Variants in TLN2 observed in about 807,000 individuals in gnomAD.
TLN2 encodes talin-2.
A neutral mutation model predicts 294.7 loss-of-function variants in TLN2; 118 were observed. The ratio of observed to expected loss-of-function variants is 0.40; its 90% CI spans 0.34 to 0.47. TLN2 has a LOEUF of 0.47. TLN2 is among the 20% of genes least tolerant of loss of function. The pLI is 0.84. For missense variants in TLN2, 3,083 were observed against 3,282.2 expected (o/e 0.94, Z 1.48); for synonymous variants, 1,431 against 1,304.5 (o/e 1.10, Z -2.09).
At chr15:62,693,779 A>G (rs548563376) in intron 13 of TLN2, among the ~76,000 whole-genome samples, 3 of 152,216 alleles carry the variant, frequency 2.0e-5, no homozygotes, top group African/African-American at 7.2e-5. Context: ...TAAATACGTG[A>G]CATCTAACTA....
intron 28 of TLN2, among the ~76,000 whole-genome samples, chr15:62,734,734 A>T (rs920734624): frequency 3.9e-5 from 6 of 152,212 alleles, no homozygotes; most frequent in African/African-American, 1.4e-4. Context: ...ATTTACCTTG[A>T]TTAGATCGTA....
intron 3 of TLN2, among the ~76,000 whole-genome samples, chr15:62,627,584 C>G (rs780062238): frequency 2.4e-4 from 36 of 152,184 alleles, no homozygotes; most frequent in Admixed American, 5.9e-4. Context: ...AGAAATTGAA[C>G]TGCTGTGTGT....
At chr15:62,671,908 CAATT>C (rs1242162335) in intron 9 of TLN2, among the ~76,000 whole-genome samples, 2 of 152,048 alleles carry the variant, frequency 1.3e-5, no homozygotes, top group Non-Finnish European at 2.9e-5. Context: ...AATTCAGTTT[CAATT>C]ATGTATTTAC....
intron 32 of TLN2, among the ~76,000 whole-genome samples, chr15:62,742,956 A>G (rs2061422806): frequency 6.6e-6 from 1 of 152,198 alleles, no homozygotes; most frequent in Admixed American, 6.5e-5. Context: ...TTCATTACAT[A>G]GATTTTCATC....
At chr15:62,560,096 G>T (rs898198402) in intron 1 of TLN2, among the ~76,000 whole-genome samples, 2 of 152,192 alleles carry the variant, frequency 1.3e-5, no homozygotes, top group African/African-American at 4.8e-5. Context: ...AGATGGCTTC[G>T]GGAAAGTGGG....
chr15:62,768,040 G>T (rs763002669), intron 41 of TLN2, among the ~76,000 whole-genome samples: 1 of 152,076 alleles, frequency 6.6e-6, no homozygotes, highest in Non-Finnish European at 1.5e-5. Context: ...AGAGGCAGTC[G>T]GTGCGCCCTC....
At chr15:62,744,937 G>A (rs2061536503) in intron 32 of TLN2, among the ~76,000 whole-genome samples, 1 of 152,128 alleles carries the variant, frequency 6.6e-6, no homozygotes, top group Non-Finnish European at 1.5e-5. Flanking sequence ...CCTTTCCCAG[G>A]CGCCTCTTCC....
At chr15:62,632,958 A>G (rs1048018685) in intron 3 of TLN2, among the ~76,000 whole-genome samples, 12 of 152,226 alleles carry the variant, frequency 7.9e-5, no homozygotes, top group African/African-American at 2.9e-4. Context: ...ATTCCAGTAT[A>G]ACAAAAGCCA....
chr15:62,753,643 A>T lies in TLN2; in HGVS notation c.4333-130A>T. ...CACCCTTATTGGTGAGCGGGATGAG[A>T]TGACCTTGACCAGTTTGAACTGAGG... On this transcript the variant is annotated intron_variant, in intron 35 of 58. Coordinates refer to ENST00000636159, the MANE Select transcript of TLN2 (RefSeq NM_015059.3). 3 of 1,110,038 alleles carry T rather than the reference A, an allele frequency of 2.7e-6. No individual in the cohort carries two copies. In the South Asian group the frequency reaches 6.1e-5, roughly 23 times the overall value. The allele number at this position is 1,110,038 out of a possible 1,614,324, so 68.8% of individuals were successfully genotyped here. A position where few individuals can be genotyped will look rare whatever the true frequency, so the allele number is the denominator to read the frequency against.
At chr15:62,689,247 A>C (rs776436096) in intron 12 of TLN2, among the ~76,000 whole-genome samples, 1 of 152,012 alleles carries the variant, frequency 6.6e-6, no homozygotes, top group African/African-American at 2.4e-5. Flanking sequence ...TTTCCCCCTT[A>C]AGTGTAGAAA....
At chr15:62,778,349 G>A (rs2063865934) in intron 43 of TLN2, among the ~76,000 whole-genome samples, 1 of 152,198 alleles carries the variant, frequency 6.6e-6, no homozygotes, top group Non-Finnish European at 1.5e-5. Context: ...AGTCTCAGTA[G>A]ATTTGTTTGG....
At chr15:62,630,595 T>A (rs2049706393) in intron 3 of TLN2, among the ~76,000 whole-genome samples, 1 of 152,198 alleles carries the variant, frequency 6.6e-6, no homozygotes, top group African/African-American at 2.4e-5. Context: ...TGATTTTTTT[T>A]ATTTCTGTTA....
intron 54 of TLN2, 59 bp from the exon 55 acceptor site, chr15:62,833,445 G>A: frequency 6.3e-7 from 1 of 1,586,048 alleles, no homozygotes; most frequent in Non-Finnish European, 8.6e-7. Flanking sequence ...AAGTAGTTTG[G>A]AAGAAAGAGC....
At chr15:62,825,190 C>T (rs2067942019) in intron 54 of TLN2, among the ~76,000 whole-genome samples, 1 of 152,164 alleles carries the variant, frequency 6.6e-6, no homozygotes, top group Non-Finnish European at 1.5e-5. Context: ...CAAGATGCTG[C>T]CCCAATCAGT....
At chr15:62,533,033 C>T (rs929080024) in intron 1 of TLN2, among the ~76,000 whole-genome samples, 2 of 151,964 alleles carry the variant, frequency 1.3e-5, no homozygotes, top group East Asian at 1.9e-4. Context: ...GCAGGCGCAT[C>T]GCTTGAGGTC....
intron 2 of TLN2, among the ~76,000 whole-genome samples, chr15:62,590,734 C>T (rs894940789): frequency 2.0e-5 from 3 of 152,040 alleles, no homozygotes; most frequent in Non-Finnish European, 2.9e-5. Context: ...GTAGTGTGTA[C>T]GAAGCATCCT....
chr15:62,835,923 C>T lies in TLN2; in HGVS notation c.7224C>T (p.Leu2408=). Residue 2408 remains leucine, a synonymous_variant, in exon 57 of 59, where the codon CTC becomes CTT. Transcript: ENST00000636159. ...TGGTGGCGGCTGCGACCAGCAGTCT[C>T]TGTGAGGCGGCCAATGCCTCCGTTC... ...ARMVAAATSS[L]CEAANASVQG... The T allele has an allele frequency of 6.2e-7, 1 of 1,614,220 alleles. No individual in the cohort carries two copies.
intron 1 of TLN2, among the ~76,000 whole-genome samples, chr15:62,445,327 C>A (rs542702996): frequency 2.8e-4 from 42 of 152,284 alleles, no homozygotes; most frequent in African/African-American, 1.0e-3. Flanking sequence ...CTTTCTCCTG[C>A]CCCCAAGCAA....
At chr15:62,810,178 C>G in intron 52 of TLN2, 146 bp downstream of exon 52, 2 of 717,818 alleles carry the variant, frequency 2.8e-6, no homozygotes, top group Non-Finnish European at 4.9e-6. Context: ...GAACTGGAAT[C>G]TCCCCTGATG....
Sources: allele counts gnomAD v4.1 joint callset (sites outside exome capture counted in the v4.1 genomes callset), GRCh38; gene constraint gnomAD v4.1.1; transcripts MANE v1.5; gene names NCBI Gene and HGNC (gene_info 2026-07-23, HGNC 2026-07-21).